The following CLNK variants were observed in gnomAD, a reference collection of about 807,000 sequenced individuals.
CLNK encodes the protein cytokine dependent hematopoietic cell linker.
In CLNK, 74 loss-of-function variants were observed where a neutral mutation model predicts 68.6. The observed-to-expected ratio is 1.08, with a 90% CI of 0.89 to 1.31. CLNK has a LOEUF of 1.31. Among genes scored for constraint, CLNK ranks in the 50% most tolerant of loss-of-function variants. CLNK has a pLI of 0.00. For missense variants in CLNK, 553 were observed against 515.3 expected, an observed-to-expected ratio of 1.07 and a Z score of -0.71; for synonymous variants, 198 against 172.2, an observed-to-expected ratio of 1.15 and a Z score of -1.17.
At chr4:10,569,299 G>T (rs1403961752) in intron 5 of CLNK, among the ~76,000 whole-genome samples, 1 of 150,764 alleles carries the variant, frequency 6.6e-6, no homozygotes, top group Non-Finnish European at 1.5e-5. Flanking sequence ...TTATCTGATA[G>T]GATTAGTGTT....
At chr4:10,491,789 C>T (rs1170620351) in intron 18 of CLNK, among the ~76,000 whole-genome samples, 1 of 151,684 alleles carries the variant, frequency 6.6e-6, no homozygotes, top group Non-Finnish European at 1.5e-5. Context: ...TTAATTTCAA[C>T]AGCTTTAGAG....
the CLNK span, among the ~76,000 whole-genome samples, chr4:10,704,813 A>C: frequency 2.6e-5 from 4 of 152,188 alleles, no homozygotes; most frequent in Non-Finnish European, 5.9e-5. Context: ...AAATGACACA[A>C]TTTTATAAAG....
chr4:10,520,525 T>TTAA (rs1718015288), intron 15 of CLNK, among the ~76,000 whole-genome samples: 1 of 152,206 alleles, frequency 6.6e-6, no homozygotes, highest in Admixed American at 6.5e-5. Flanking sequence ...TGAAGGGAAA[T>TTAA]GATCACATTT....
chr4:10,707,791 C>T, the CLNK span, among the ~76,000 whole-genome samples: 1 of 152,138 alleles, frequency 6.6e-6, no homozygotes. Flanking sequence ...GAGGTTCATT[C>T]ATTTCTTTAT....
the CLNK span, among the ~76,000 whole-genome samples, chr4:10,723,316 T>C: frequency 2.0e-5 from 3 of 152,216 alleles, no homozygotes; most frequent in East Asian, 5.8e-4. Context: ...AACACTTATG[T>C]ATACATTTGG....
rs111899084 is a variant in CLNK at position 10,600,397 on chromosome 4, C to T, written c.12-2348G>A. On this transcript the variant is annotated intron_variant, in intron 2 of 18. Coordinates refer to ENST00000226951, the MANE Select transcript of CLNK (RefSeq NM_052964.4). ...GTTATTGGGTTTATTCCATACTAGG[C>T]AACGCACTAGGTAATAGGGTATAGT... 1.3e-3 allele frequency among the ~76,000 whole-genome samples: 193 copies of T among 152,278 alleles called. 2 individuals carry two copies. The highest frequency in any genetic ancestry group is 4.4e-3 in the African/African-American group (184 of 41,540).
rs1721355011 is a variant in CLNK at position 10,595,629 on chromosome 4, CA to C, written c.83+2348del. On this transcript the variant is annotated intron_variant, in intron 3 of 18. Transcript: ENST00000226951. ...GGGGTGGTTGGGCTGTGGGGGCCTG[CA>C]GGAGACTTAACTCCCACACTCAACC... 2.6e-5 allele frequency among the ~76,000 whole-genome samples: 4 copies of C among 152,064 alleles called. No individual in the cohort carries two copies. The South Asian group carries it at 6.2e-4, about 24-fold the overall frequency.
the CLNK span, among the ~76,000 whole-genome samples, chr4:10,707,639 C>A: frequency 6.6e-6 from 1 of 152,140 alleles, no homozygotes; most frequent in Non-Finnish European, 1.5e-5. Flanking sequence ...TTTCTCAAGA[C>A]CTTTTGAGAT....
chr4:10,520,975 AT>A (rs1718036648), intron 14 of CLNK, 144 bp from the exon 15 acceptor site: 2 of 660,530 alleles, frequency 3.0e-6, no homozygotes, highest in Middle Eastern at 4.0e-4. Context: ...TAGAAGAATC[AT>A]TTGTTTTGAA....
At chr4:10,726,908 T>C in the CLNK span, among the ~76,000 whole-genome samples, 1 of 152,224 alleles carries the variant, frequency 6.6e-6, no homozygotes, top group East Asian at 1.9e-4. Flanking sequence ...TGTTGTTACC[T>C]GTAACAGACA....
intron 2 of CLNK, among the ~76,000 whole-genome samples, chr4:10,651,495 C>T (rs933132501): frequency 6.6e-6 from 1 of 152,104 alleles, no homozygotes; most frequent in Non-Finnish European, 1.5e-5. Context: ...GGGAATTGAA[C>T]AATGGGAACA....
chr4:10,559,052 G>A (rs374149336), intron 7 of CLNK, among the ~76,000 whole-genome samples: 6 of 152,274 alleles, frequency 3.9e-5, no homozygotes, highest in East Asian at 1.9e-4. Context: ...CACAGGTGTC[G>A]CTAACCACAC....
intron 8 of CLNK, among the ~76,000 whole-genome samples, chr4:10,548,839 G>T (rs1329089597): frequency 6.6e-6 from 1 of 152,172 alleles, no homozygotes; most frequent in African/African-American, 2.4e-5. Context: ...ATCAATGCAT[G>T]CATTTATTTC....
chr4:10,528,947 C>T (rs564124617), intron 12 of CLNK, among the ~76,000 whole-genome samples: 25 of 152,200 alleles, frequency 1.6e-4, no homozygotes, highest in Non-Finnish European at 3.1e-4. Context: ...CTTGATCATC[C>T]TTCATTATGG....
chr4:10,583,574 C>T (rs553805400), intron 4 of CLNK, among the ~76,000 whole-genome samples: 4 of 152,288 alleles, frequency 2.6e-5, no homozygotes, highest in African/African-American at 7.2e-5. Context: ...TGTGAGTCAC[C>T]GTGCCTGGTC....
At chr4:10,607,483 T>G (rs925916405) in intron 2 of CLNK, among the ~76,000 whole-genome samples, 1 of 152,232 alleles carries the variant, frequency 6.6e-6, no homozygotes, top group African/African-American at 2.4e-5. Flanking sequence ...AAGGCATGAT[T>G]GCAAACCCTA....
intron 16 of CLNK, among the ~76,000 whole-genome samples, chr4:10,513,214 TAA>T (rs60083448): frequency 2.0e-5 from 3 of 152,168 alleles, no homozygotes. Context: ...GATTAATTTT[TAA>T]AAAAACACTT....
At chr4:10,543,635 G>A (rs113831274) in intron 8 of CLNK, among the ~76,000 whole-genome samples, 1,691 of 152,306 alleles carry the variant, frequency 0.011, 40 homozygotes, top group African/African-American at 0.039. Context: ...CTTGGTGAAA[G>A]GTCCAACTGG....
chr4:10,509,301 A>C (rs1016409416), intron 16 of CLNK, among the ~76,000 whole-genome samples: 1 of 152,104 alleles, frequency 6.6e-6, no homozygotes, highest in African/African-American at 2.4e-5. Context: ...TGTGAACACC[A>C]TCTGGAATGG....
Sources: allele counts gnomAD v4.1 joint callset (sites outside exome capture counted in the v4.1 genomes callset), GRCh38; gene constraint gnomAD v4.1.1; transcripts MANE v1.5; gene names NCBI Gene and HGNC (gene_info 2026-07-23, HGNC 2026-07-21).